Variants in OTOF observed in about 807,000 individuals in gnomAD.
The protein encoded by OTOF is fer-1-like family member 2.
In OTOF, 218 loss-of-function variants were observed where a neutral mutation model predicts 236.8. The ratio of observed to expected loss-of-function variants is 0.92; its 90% confidence interval spans 0.82 to 1.03. OTOF has a LOEUF of 1.03. Ranked by LOEUF, OTOF falls within the 50% of genes least tolerant of loss-of-function variation. OTOF has a pLI of 0.00. For synonymous variants in OTOF, 1,041 were observed against 1,072.5 expected (o/e 0.97, Z 0.57); for missense variants, 2,590 against 2,694.4 (o/e 0.96, Z 0.86).
intron 2 of OTOF, among the ~76,000 whole-genome samples, chr2:26,536,962 G>A (rs1222589376): frequency 1.3e-5 from 2 of 152,164 alleles, no homozygotes; most frequent in Non-Finnish European, 1.5e-5. Flanking sequence ...CTCCCAGCCC[G>A]GCCAGGTACC....
intron 38 of OTOF, 42 bp from the exon 39 acceptor site, chr2:26,465,071 C>T: frequency 7.0e-7 from 1 of 1,429,768 alleles, no homozygotes. Context: ...CTGGGTGGGA[C>T]TAAGCCATCC....
rs527756937 is a variant in OTOF at position 26,539,511 on chromosome 2, G to T, written c.80-1737C>A. Reference sequence around the variant, plus strand: ...AGCAATTTGGGAGGCCGAGGCGGGCGGATCACCTGAGGTCGGGAGTTCGAG... The same window carrying T: ...AGCAATTTGGGAGGCCGAGGCGGGCTGATCACCTGAGGTCGGGAGTTCGAG... On this transcript the variant is annotated intron_variant, in intron 1 of 46. Coordinates refer to ENST00000272371, the MANE Select transcript of OTOF (RefSeq NM_194248.3). Among the ~76,000 whole-genome samples, 60 of 152,302 alleles carry T rather than the reference G, an allele frequency of 3.9e-4. 1 individual carries two copies. In the South Asian group the frequency reaches 0.012, roughly 31 times the overall value.
At chr2:26,548,216 G>A (rs1018632384) in intron 1 of OTOF, among the ~76,000 whole-genome samples, 3 of 151,900 alleles carry the variant, frequency 2.0e-5, no homozygotes, top group African/African-American at 4.8e-5. Context: ...TTTTTTTGAA[G>A]AACCAACTTT....
intron 35 of OTOF, 117 bp downstream of exon 35, chr2:26,466,982 A>T: frequency 2.6e-6 from 4 of 1,549,432 alleles, no homozygotes; most frequent in Non-Finnish European, 3.6e-6. Flanking sequence ...GAGTCATGGG[A>T]GAGTCCAGGG....
intron 1 of OTOF, among the ~76,000 whole-genome samples, chr2:26,555,088 G>C (rs938579846): frequency 1.3e-5 from 2 of 152,316 alleles, no homozygotes; most frequent in Admixed American, 1.3e-4. Context: ...CACACCCTGC[G>C]TTCTGTGGCT....
chr2:26,483,072 C>T (rs1430375710), intron 13 of OTOF, among the ~76,000 whole-genome samples: 5 of 126,370 alleles, frequency 4.0e-5, no homozygotes, highest in South Asian at 2.7e-4. Context: ...GGTGTGTGTG[C>T]GTGTGTGAAT....
Position 26,516,468 on chromosome 2 carries a change from G to C in OTOF, c.459C>G (p.Leu153=). The change falls in exon 5 of 47, where the codon CTC becomes CTG. Residue 153 remains leucine (L), a synonymous_variant. Coordinates refer to ENST00000272371, the MANE Select transcript of OTOF (RefSeq NM_194248.3). ...EKDSQETDGL[L]PGSRPSSRPP... ...GCCGGGAGCTGGGCCGGGAGCCTGG[G>C]AGCAGTCCATCCGTCTCTTGGCTGT... The C allele has an allele frequency of 6.2e-7, 1 of 1,613,938 alleles. No homozygotes were observed. The highest frequency in any genetic ancestry group is 2.2e-5 in the East Asian group (1 of 44,872).
chr2:26,479,773 C>G lies in OTOF; in HGVS notation c.1913-120G>C. On this transcript the variant is annotated intron_variant, in intron 16 of 46. Transcript: ENST00000272371. ...AGAGGGAGAGTCAGGGAATGGGGCTCAGACGTGACACATCATTAGCCAGAG... is the reference window on the plus strand; with the variant it reads ...AGAGGGAGAGTCAGGGAATGGGGCTGAGACGTGACACATCATTAGCCAGAG... The G allele has an allele frequency of 8.7e-6, 8 of 916,452 alleles. No individual in the cohort carries two copies. In the South Asian group the frequency reaches 1.1e-4, roughly 12 times the overall value. 56.8% of individuals were successfully genotyped at this position (916,452 alleles called of 1,614,324 possible).
intron 3 of OTOF, among the ~76,000 whole-genome samples, chr2:26,521,105 C>CT (rs1372640667): frequency 6.6e-6 from 1 of 152,204 alleles, no homozygotes; most frequent in Non-Finnish European, 1.5e-5. Context: ...GACCCCAGGG[C>CT]TCTGATTCAG....
chr2:26,472,198 G>A (rs923713096), intron 30 of OTOF: 5 of 409,184 alleles, frequency 1.2e-5, no homozygotes, highest in African/African-American at 4.2e-5. Flanking sequence ...ATACATGCAC[G>A]ATGCACATAT....
At chr2:26,551,208 T>A (rs1054519583) in intron 1 of OTOF, among the ~76,000 whole-genome samples, 3 of 152,210 alleles carry the variant, frequency 2.0e-5, no homozygotes, top group African/African-American at 4.8e-5. Context: ...CAGGCTGGTC[T>A]CAAACTCCTG....
chr2:26,492,411 A>C (rs1423739675), intron 9 of OTOF, among the ~76,000 whole-genome samples: 1 of 152,258 alleles, frequency 6.6e-6, no homozygotes, highest in African/African-American at 2.4e-5. Flanking sequence ...TTTGTGAAAA[A>C]GAACAAAAAT....
chr2:26,465,145 C>G (rs1312856653), intron 38 of OTOF, 116 bp from the exon 39 acceptor site: 4 of 847,796 alleles, frequency 4.7e-6, no homozygotes, highest in Non-Finnish European at 7.0e-6. Flanking sequence ...GCAAGTGAGC[C>G]TGATTCCTCC....
Position 26,460,029 on chromosome 2 carries a change from G to A in OTOF, c.5990C>T (p.Ala1997Val). ...PGYLVKKILGA is the reference protein window; with the variant it reads ...PGYLVKKILGV ...AGACCCAGGAGGCCACTGGGCTCAG[G>A]CCCCGAGGATTTTCTTGACCAGGTA... The change falls in exon 46 of 47, where the codon GCC (alanine) becomes GTC (valine). Residue 1997 changes from alanine to valine, a missense_variant. By Grantham distance (64) the Ala-to-Val change is moderately conservative. Coordinates refer to ENST00000272371, the MANE Select transcript of OTOF (RefSeq NM_194248.3). The surrounding 1 kb of genome is among the most constrained non-coding windows in gnomAD (Gnocchi z 5.3). The A allele has an allele frequency of 1.3e-6, 2 of 1,567,518 alleles. No homozygotes were observed. Among genetic ancestry groups the A allele is most frequent in the East Asian group, 2.3e-5 (1 of 42,982 alleles).
At chr2:26,476,642 A>C (rs1272408392) in intron 22 of OTOF, among the ~76,000 whole-genome samples, 1 of 12,976 alleles carries the variant, frequency 7.7e-5, no homozygotes, top group Admixed American at 8.0e-4. Flanking sequence ...CCCTTCCCCC[A>C]CCTCCTTCCC....
chr2:26,545,128 TA>T (rs545994174), intron 1 of OTOF, among the ~76,000 whole-genome samples: 88 of 152,132 alleles, frequency 5.8e-4, no homozygotes, highest in African/African-American at 1.8e-3. Context: ...ATCAGCAATG[TA>T]AAAAAAATTT....
Position 26,473,439 on chromosome 2 carries a change from G to C in OTOF, c.3537C>G (p.Pro1179=). ...ACCACTTGACGAGGGTGTTGAAGTT[G>C]GGGTTCTTCTTATAATTGTGGATCA... ...SSLIHNYKKN[P]NFNTLVKWFE... The change falls in exon 28 of 47, where the codon CCC becomes CCG. Residue 1179 remains proline (P), a synonymous_variant. Transcript: ENST00000272371. The surrounding 1 kb of genome is among the most constrained non-coding windows in gnomAD (Gnocchi z 7.2). The C allele has an allele frequency of 6.2e-7, 1 of 1,613,418 alleles. No individual in the cohort carries two copies. The highest frequency in any genetic ancestry group is 8.5e-7 in the Non-Finnish European group (1 of 1,179,998).
chr2:26,473,958 C>T lies in OTOF; in HGVS notation c.3408+33G>A, dbSNP rs1572422162. ...CCTCCTGGGTCCTCAGACTCCTCAT[C>T]CAAAAGGGAAGGGCCACACAGAGCC... On this transcript the variant is annotated intron_variant, in intron 27 of 46. Transcript: ENST00000272371. This position sits in a 1 kb window ranked among gnomAD's most constrained non-coding sequence, Gnocchi z 7.2. 1.2e-6 allele frequency: 2 copies of T among 1,612,572 alleles called. No homozygotes were observed. Among genetic ancestry groups the T allele is most frequent in the African/African-American group, 2.7e-5 (2 of 74,970 alleles).
At position 26,529,881 on chromosome 2, in the gene OTOF, G is replaced by C. The variant is rs1666900614; in HGVS notation, c.139-1961C>G. On this transcript the variant is annotated intron_variant, in intron 2 of 46. Coordinates refer to ENST00000272371, the MANE Select transcript of OTOF (RefSeq NM_194248.3). ...CACAGGGCGGAGGGGTGCGCTGAGA[G>C]TCCCAGGAAGTGGAGGCAGCCCGGC... Among the ~76,000 whole-genome samples the C allele has an allele frequency of 2.0e-5, 3 of 152,344 alleles. No homozygotes were observed. The South Asian group carries it at 6.2e-4, about 32-fold the overall frequency.
Sources: allele counts gnomAD v4.1 joint callset (sites outside exome capture counted in the v4.1 genomes callset), GRCh38; gene constraint gnomAD v4.1.1; non-coding constraint Gnocchi (gnomAD v3.1); transcripts MANE v1.5; gene names NCBI Gene and HGNC (gene_info 2026-07-23, HGNC 2026-07-21).